DIAPH3: variants seen among roughly 807,000 people sequenced by gnomAD.
The protein encoded by DIAPH3 is protein diaphanous homolog 3.
In DIAPH3, 117 loss-of-function variants were observed where a neutral mutation model predicts 144.3. The ratio of observed to expected loss-of-function variants is 0.81; its 90% CI spans 0.70 to 0.95. DIAPH3 has a LOEUF of 0.95. Ranked by LOEUF, DIAPH3 falls within the 40% of genes least tolerant of loss-of-function variation. DIAPH3 has a pLI of 0.00. For synonymous variants in DIAPH3, 519 were observed against 488.9 expected (o/e 1.06, Z -0.81); for missense variants, 1,421 against 1,412.7 (o/e 1.01, Z -0.09).
At chr13:59,965,280 T>A (rs537156278) in intron 17 of DIAPH3, among the ~76,000 whole-genome samples, 1 of 152,220 alleles carries the variant, frequency 6.6e-6, no homozygotes, top group South Asian at 2.1e-4. Context: ...CTGGCAAAAA[T>A]GACACACCTG....
At chr13:59,756,627 G>A (rs1439311332) in intron 27 of DIAPH3, among the ~76,000 whole-genome samples, 1 of 152,046 alleles carries the variant, frequency 6.6e-6, no homozygotes, top group Non-Finnish European at 1.5e-5. Flanking sequence ...TCATTGGATG[G>A]CATCATGTAG....
At chr13:59,904,696 T>C (rs2046634880) in intron 20 of DIAPH3, among the ~76,000 whole-genome samples, 1 of 152,204 alleles carries the variant, frequency 6.6e-6, no homozygotes, top group African/African-American at 2.4e-5. Flanking sequence ...ATCTTCATTT[T>C]AATTCACTTT....
chr13:59,958,553 G>C (rs755225227), intron 17 of DIAPH3, among the ~76,000 whole-genome samples: 3 of 151,870 alleles, frequency 2.0e-5, no homozygotes, highest in East Asian at 1.9e-4. Flanking sequence ...AATGCCAATG[G>C]CTCTTTAGGT....
chr13:60,042,233 G>GAATTGAAAA (rs1225270333), intron 5 of DIAPH3, among the ~76,000 whole-genome samples: 53 of 152,066 alleles, frequency 3.5e-4, no homozygotes, highest in African/African-American at 1.3e-3. Context: ...GAATATTTCT[G>GAATTGAAAA]GTCATTCTGT....
intron 24 of DIAPH3, among the ~76,000 whole-genome samples, chr13:59,814,395 C>A (rs750628805): frequency 1.1e-4 from 17 of 152,118 alleles, no homozygotes; most frequent in Non-Finnish European, 2.2e-4. Context: ...TTAAAACATA[C>A]CATATTCTCA....
At chr13:59,715,123 T>C (rs2034984433) in intron 27 of DIAPH3, among the ~76,000 whole-genome samples, 2 of 152,164 alleles carry the variant, frequency 1.3e-5, no homozygotes, top group Admixed American at 6.5e-5. Context: ...GTTGTACTCC[T>C]CTCTTTCGTT....
chr13:59,781,753 T>C (rs1407277937), intron 25 of DIAPH3, among the ~76,000 whole-genome samples: 1 of 152,170 alleles, frequency 6.6e-6, no homozygotes, highest in Non-Finnish European at 1.5e-5. Context: ...AACAACAAGA[T>C]TGTCCCATAG....
At chr13:59,867,948 G>C (rs1034512391) in intron 21 of DIAPH3, among the ~76,000 whole-genome samples, 11 of 151,918 alleles carry the variant, frequency 7.2e-5, no homozygotes, top group Non-Finnish European at 1.6e-4. Flanking sequence ...GATGATCAAA[G>C]ACATAAAAAA....
intron 27 of DIAPH3, among the ~76,000 whole-genome samples, chr13:59,679,993 C>A (rs2032855985): frequency 6.6e-6 from 1 of 152,134 alleles, no homozygotes; most frequent in Non-Finnish European, 1.5e-5. Flanking sequence ...AATGTAGCAT[C>A]TGTTAGTTCA....
At chr13:59,993,204 G>C (rs1389771769) in intron 9 of DIAPH3, among the ~76,000 whole-genome samples, 1 of 151,564 alleles carries the variant, frequency 6.6e-6, no homozygotes, top group Non-Finnish European at 1.5e-5. Flanking sequence ...TTAATATATA[G>C]CTTAAATGAT....
intron 17 of DIAPH3, among the ~76,000 whole-genome samples, chr13:59,928,633 TTCAGCTATAATCA>T (rs2047870065): frequency 6.6e-6 from 1 of 152,220 alleles, no homozygotes; most frequent in South Asian, 2.1e-4. Context: ...GTGTGATTTC[TTCAGCTATAATCA>T]TCAGCAGTGT....
intron 1 of DIAPH3, among the ~76,000 whole-genome samples, chr13:60,136,684 C>T (rs564014565): frequency 6.6e-6 from 1 of 152,112 alleles, no homozygotes; most frequent in Non-Finnish European, 1.5e-5. Context: ...GCCTGTAATC[C>T]CAGCACTTTG....
intron 25 of DIAPH3, among the ~76,000 whole-genome samples, chr13:59,805,494 A>G (rs2040144015): frequency 6.6e-6 from 1 of 152,018 alleles, no homozygotes; most frequent in African/African-American, 2.4e-5. Context: ...ATGTCAGATG[A>G]ATAGGTACTT....
chr13:59,858,845 G>T (rs2043407630), intron 22 of DIAPH3, among the ~76,000 whole-genome samples: 2 of 152,186 alleles, frequency 1.3e-5, no homozygotes, highest in Middle Eastern at 3.4e-3. Context: ...TCTTAGAAAA[G>T]AAGCAGTCCT....
chr13:60,070,202 T>C (rs2057145597), intron 4 of DIAPH3, among the ~76,000 whole-genome samples: 1 of 152,110 alleles, frequency 6.6e-6, no homozygotes, highest in African/African-American at 2.4e-5. Context: ...CATGTCTCAG[T>C]TAGCTGCATT....
chr13:59,861,227 A>G, intron 22 of DIAPH3, 180 bp downstream of exon 22: 1 of 1,495,044 alleles, frequency 6.7e-7, no homozygotes, highest in Admixed American at 2.4e-5. Flanking sequence ...AACAAATTAA[A>G]CTCATAGCTC....
At chr13:59,914,319 A>T (rs1467956102) in intron 19 of DIAPH3, among the ~76,000 whole-genome samples, 2 of 152,236 alleles carry the variant, frequency 1.3e-5, no homozygotes. Context: ...GAGTTCAAAT[A>T]GCAAGAAATT....
chr13:59,945,289 T>G (rs1205609540), intron 17 of DIAPH3, among the ~76,000 whole-genome samples: 1 of 152,164 alleles, frequency 6.6e-6, no homozygotes, highest in Admixed American at 6.6e-5. Context: ...TTTACTTTCA[T>G]AGCACATTCA....
chr13:59,928,615 T>C (rs934742201), intron 17 of DIAPH3, among the ~76,000 whole-genome samples: 2 of 152,166 alleles, frequency 1.3e-5, no homozygotes, highest in South Asian at 2.1e-4. Flanking sequence ...AGCAGCCACA[T>C]AGTCTCTGTG....
Sources: allele counts gnomAD v4.1 joint callset (sites outside exome capture counted in the v4.1 genomes callset), GRCh38; gene constraint gnomAD v4.1.1; transcripts MANE v1.5; gene names NCBI Gene and HGNC (gene_info 2026-07-23, HGNC 2026-07-21).